Variants in SEPTIN9 observed in about 807,000 individuals in gnomAD.
SEPTIN9 encodes septin 9, also known as septin-9.
In SEPTIN9, 13 loss-of-function variants were observed where a neutral mutation model predicts 56.6. The ratio of observed to expected loss-of-function variants is 0.23; its 90% confidence interval spans 0.15 to 0.37. The LOEUF (loss-of-function observed/expected upper bound fraction) is 0.37, where lower values mean the gene tolerates loss of function less well. Ranked by LOEUF, SEPTIN9 falls within the 10% of genes least tolerant of loss-of-function variation. The pLI is 1.00. For missense variants in SEPTIN9, 650 were observed against 823.1 expected (o/e 0.79, Z 2.57); for synonymous variants, 332 against 334.1 (o/e 0.99, Z 0.07).
chr17:77,281,606 GCTCAC>G (rs1190255766), intron 1 of SEPTIN9, 52 bp downstream of exon 1: 1 of 1,501,714 alleles, frequency 6.7e-7, no homozygotes, highest in East Asian at 2.7e-5. Flanking sequence ...GACCAGCGCT[GCTCAC>G]CTGAGTGCCT....
At position 77,336,505 on chromosome 17, in the gene SEPTIN9, T is replaced by G. The variant is rs563031088; in HGVS notation, c.76+29308T>G. On this transcript the variant is annotated intron_variant, in intron 2 of 11. Coordinates refer to ENST00000427177, the MANE Select transcript of SEPTIN9 (RefSeq NM_001113491.2). ...TTAAATTTATTCCTAAGAATTTTACTTTTGGCACTATTTTAAGCTGAAATA... is the reference window on the plus strand; with the variant it reads ...TTAAATTTATTCCTAAGAATTTTACGTTTGGCACTATTTTAAGCTGAAATA... Among the ~76,000 whole-genome samples the G allele has an allele frequency of 1.1e-4, 16 of 152,338 alleles. No homozygotes were observed. In the South Asian group the frequency reaches 3.3e-3, roughly 32 times the overall value.
At chr17:77,366,793 C>G (rs2034584168) in intron 2 of SEPTIN9, among the ~76,000 whole-genome samples, 1 of 152,162 alleles carries the variant, frequency 6.6e-6, no homozygotes, top group African/African-American at 2.4e-5. Flanking sequence ...GTCCCAAGTG[C>G]CGGAGCGGGG....
chr17:77,420,891 T>G (rs982242377), intron 3 of SEPTIN9, among the ~76,000 whole-genome samples: 1 of 152,214 alleles, frequency 6.6e-6, no homozygotes, highest in Admixed American at 6.5e-5. Flanking sequence ...ACTTACCCCT[T>G]GCCCTGCCCA....
In SEPTIN9 at chr17:77,369,992, C is replaced by T. The variant is rs2034672526; in HGVS notation, c.77-32067C>T. On this transcript the variant is annotated intron_variant, in intron 2 of 11. Coordinates refer to ENST00000427177, the MANE Select transcript of SEPTIN9 (RefSeq NM_001113491.2). The surrounding 1 kb of genome is among the most constrained non-coding windows in gnomAD (Gnocchi z 4.9). ...TGCAGGGGTTTCCTATGGCTCTCTTCCCTGTCCCCATCCCCCTTCCCTTGG... is the reference window on the plus strand; with the variant it reads ...TGCAGGGGTTTCCTATGGCTCTCTTTCCTGTCCCCATCCCCCTTCCCTTGG... 6.6e-6 allele frequency among the ~76,000 whole-genome samples: 1 copy of T among 152,228 alleles called. No homozygotes were observed. Among genetic ancestry groups the T allele is most frequent in the African/African-American group, 2.4e-5 (1 of 41,458 alleles).
In SEPTIN9 at chr17:77,425,757, A is replaced by G. The variant is rs767691461; in HGVS notation, c.721+23054A>G. ...CTGCCCCCCGCTCATCTACCCCCCAACCCTCCCAGCCAGCAGAGTTTTACC... is the reference window on the plus strand; with the variant it reads ...CTGCCCCCCGCTCATCTACCCCCCAGCCCTCCCAGCCAGCAGAGTTTTACC... On this transcript the variant is annotated intron_variant, in intron 3 of 11. Transcript: ENST00000427177. This position sits in a 1 kb window ranked among gnomAD's most constrained non-coding sequence, Gnocchi z 4.2. Among the ~76,000 whole-genome samples, 7 of 141,092 alleles carry G rather than the reference A, an allele frequency of 5.0e-5. No individual in the cohort carries two copies. The highest frequency in any genetic ancestry group is 2.8e-4 in the Admixed American group (4 of 14,260). 92.6% of individuals were successfully genotyped at this position (141,092 alleles called of 152,430 possible).
At chr17:77,321,683 C>T (rs931346027) in intron 2 of SEPTIN9, among the ~76,000 whole-genome samples, 4 of 152,136 alleles carry the variant, frequency 2.6e-5, no homozygotes, top group Non-Finnish European at 4.4e-5. Context: ...CCACGGCGCC[C>T]GGCCTCAGGG....
intron 2 of SEPTIN9, chr17:77,375,331 C>G (rs1219755356): frequency 6.6e-6 from 1 of 152,214 alleles, no homozygotes; most frequent in African/African-American, 2.4e-5. Context: ...GGATCGAGGT[C>G]TCTGCTCTCA....
intron 2 of SEPTIN9, among the ~76,000 whole-genome samples, chr17:77,353,362 C>T (rs962287073): frequency 6.6e-6 from 1 of 152,102 alleles, no homozygotes; most frequent in African/African-American, 2.4e-5. Context: ...GAAGCTAGTA[C>T]CAGGTACCTG....
At position 77,449,128 on chromosome 17, in the gene SEPTIN9, C is replaced by T. The variant is rs1045727391; in HGVS notation, c.722-33016C>T. Among the ~76,000 whole-genome samples, 1 of 152,080 alleles carries T rather than the reference C, an allele frequency of 6.6e-6. No individual in the cohort carries two copies. The highest frequency in any genetic ancestry group is 1.5e-5 in the Non-Finnish European group (1 of 68,028). Reference sequence around the variant, plus strand: ...GTAGGTGCTGGAAAATGTAAGGTTGCGTCTGTGGCCCATGTGCCGTTTCTG... The same window carrying T: ...GTAGGTGCTGGAAAATGTAAGGTTGTGTCTGTGGCCCATGTGCCGTTTCTG... On this transcript the variant is annotated intron_variant, in intron 3 of 11. Coordinates refer to ENST00000427177, the MANE Select transcript of SEPTIN9 (RefSeq NM_001113491.2). This position sits in a 1 kb window ranked among gnomAD's most constrained non-coding sequence, Gnocchi z 4.6.
chr17:77,385,180 T>C (rs79665232), intron 2 of SEPTIN9, among the ~76,000 whole-genome samples: 1 of 136,686 alleles, frequency 7.3e-6, no homozygotes, highest in Non-Finnish European at 1.6e-5. Flanking sequence ...TTTTTTTTTT[T>C]TTTGACAGAG....
At chr17:77,381,958 G>A (rs2035160331) in intron 2 of SEPTIN9, among the ~76,000 whole-genome samples, 1 of 152,182 alleles carries the variant, frequency 6.6e-6, no homozygotes, top group South Asian at 2.1e-4. Flanking sequence ...AGAGACCGGG[G>A]TAGGAGTTTG....
At chr17:77,480,213 C>G (rs1365873899) in intron 3 of SEPTIN9, among the ~76,000 whole-genome samples, 1 of 152,220 alleles carries the variant, frequency 6.6e-6, no homozygotes, top group Non-Finnish European at 1.5e-5. Flanking sequence ...TCCCCCAATT[C>G]CATAAGATAG....
intron 3 of SEPTIN9, among the ~76,000 whole-genome samples, chr17:77,472,249 C>T (rs567502559): frequency 1.3e-5 from 2 of 152,154 alleles, no homozygotes; most frequent in Non-Finnish European, 2.9e-5. Context: ...TTGACTTTAC[C>T]GACTGGGGCC....
chr17:77,289,992 T>G (rs2031464901), intron 1 of SEPTIN9, among the ~76,000 whole-genome samples: 1 of 152,210 alleles, frequency 6.6e-6, no homozygotes, highest in South Asian at 2.1e-4. Context: ...GAATGTTGAA[T>G]TCTGTTCTTT....
intron 5 of SEPTIN9, 118 bp from the exon 6 acceptor site, chr17:77,488,121 CG>C: frequency 2.4e-6 from 2 of 847,646 alleles, no homozygotes; most frequent in East Asian, 2.6e-5. Flanking sequence ...ATTAATTTCC[CG>C]GTGTCTCCTT....
intron 1 of SEPTIN9, among the ~76,000 whole-genome samples, chr17:77,283,902 C>T (rs145777663): frequency 1.8e-4 from 28 of 152,230 alleles, no homozygotes; most frequent in Middle Eastern, 3.4e-3. Context: ...ACATTCTCAC[C>T]GGGAGTCAGG....
intron 2 of SEPTIN9, chr17:77,375,817 T>C (rs984167538): frequency 6.5e-6 from 1 of 152,920 alleles, no homozygotes; most frequent in Non-Finnish European, 1.5e-5. Flanking sequence ...AGAGTGTGTG[T>C]GTGCATGAGT....
chr17:77,315,814 G>A (rs914267744), intron 2 of SEPTIN9, among the ~76,000 whole-genome samples: 4 of 152,216 alleles, frequency 2.6e-5, no homozygotes, highest in Non-Finnish European at 4.4e-5. Context: ...TGCTGATGTC[G>A]CAGAAAAGTG....
Position 77,451,542 on chromosome 17 carries a change from C to T in SEPTIN9, c.722-30602C>T, listed in dbSNP as rs936915993. 2.0e-6 allele frequency: 2 copies of T among 985,652 alleles called. No homozygotes were observed. The highest frequency in any genetic ancestry group is 2.4e-6 in the Non-Finnish European group (2 of 830,094). 61.1% of individuals were successfully genotyped at this position (985,652 alleles called of 1,614,324 possible). ...TCCGCTGCTGGGGTGAGTCCTGCTC[C>T]TTTGTTCTTCCCAGCCTTGCACCAC... On this transcript the variant is annotated intron_variant, in intron 3 of 11. Transcript: ENST00000427177. The surrounding 1 kb of genome is among the most constrained non-coding windows in gnomAD (Gnocchi z 4.2).
Sources: gnomAD v4.1 joint callset for allele counts (sites outside exome capture counted in the v4.1 genomes callset) on GRCh38, gnomAD v4.1.1 for gene constraint, Gnocchi (gnomAD v3.1) non-coding constraint, MANE v1.5 for transcripts, NCBI Gene and HGNC (gene_info 2026-07-23, HGNC 2026-07-21) for gene names.